The following ADARB2 variants were observed in gnomAD, a reference collection of about 807,000 sequenced individuals.
ADARB2 encodes inactive double-stranded RNA-specific editase B2.
In ADARB2, 25 loss-of-function variants were observed where a neutral mutation model predicts 62.2. The observed-to-expected ratio is 0.40, with a 90% confidence interval of 0.29 to 0.56. ADARB2 has a LOEUF of 0.56. ADARB2 is among the 20% of genes least tolerant of loss of function. ADARB2 has a pLI of 0.43. For synonymous variants in ADARB2, 572 were observed against 500.8 expected, an observed-to-expected ratio of 1.14 and a Z score of -1.90; for missense variants, 1,071 against 1,077.4, an observed-to-expected ratio of 0.99 and a Z score of 0.08.
At position 1,393,503 on chromosome 10, in the gene ADARB2, T is replaced by TGA. The variant is rs1832587303; in HGVS notation, c.101-14344_101-14343insTC. 2.0e-5 allele frequency among the ~76,000 whole-genome samples: 3 copies of TGA among 152,326 alleles called. No individual in the cohort carries two copies. The South Asian group carries it at 6.2e-4, about 32-fold the overall frequency. ...TGGGTACGCATTAGCCATCACCACC[T>TGA]TCCCCATCTCATGGTTTAATTTCTA... On this transcript the variant is annotated intron_variant, in intron 1 of 9. Transcript: ENST00000381312.
At chr10:1,643,936 G>C (rs762805637) in intron 1 of ADARB2, among the ~76,000 whole-genome samples, 1 of 152,100 alleles carries the variant, frequency 6.6e-6, no homozygotes, top group Non-Finnish European at 1.5e-5. Context: ...AAAGTAGGGC[G>C]GTGTGATCTC....
intron 1 of ADARB2, among the ~76,000 whole-genome samples, chr10:1,596,395 G>A (rs931538194): frequency 6.6e-6 from 1 of 152,212 alleles, no homozygotes; most frequent in East Asian, 1.9e-4. Flanking sequence ...CTCCCTGTAA[G>A]CATTACTGCT....
chr10:1,568,608 GAGGGAGGA>G (rs1211027449), intron 1 of ADARB2, among the ~76,000 whole-genome samples: 2 of 152,116 alleles, frequency 1.3e-5, no homozygotes, highest in Admixed American at 6.5e-5. Context: ...AGGAGGGAGG[GAGGGAGGA>G]AGGAAGGAAG....
intron 1 of ADARB2, among the ~76,000 whole-genome samples, chr10:1,446,141 A>G (rs1308914925): frequency 6.6e-6 from 1 of 152,212 alleles, no homozygotes. Flanking sequence ...GGCTGAAATA[A>G]GGTTGTGTTT....
intron 1 of ADARB2, among the ~76,000 whole-genome samples, chr10:1,650,997 C>A (rs1278835051): frequency 3.3e-5 from 5 of 152,204 alleles, no homozygotes; most frequent in Non-Finnish European, 7.3e-5. Context: ...CTGAAGGACA[C>A]CAGAGAGCTG....
intron 1 of ADARB2, among the ~76,000 whole-genome samples, chr10:1,466,489 C>T (rs953101515): frequency 6.6e-6 from 1 of 152,166 alleles, no homozygotes; most frequent in Non-Finnish European, 1.5e-5. Context: ...GCGACGGCCG[C>T]ACACATGGTG....
intron 7 of ADARB2, among the ~76,000 whole-genome samples, chr10:1,213,028 G>A (rs1308602705): frequency 2.0e-5 from 3 of 152,230 alleles, no homozygotes; most frequent in African/African-American, 7.2e-5. Flanking sequence ...TTGGGGAAGA[G>A]GGAGGGAGGC....
In ADARB2 at chr10:1,704,049, A is replaced by T. The variant is rs1181791129; in HGVS notation, c.100+33002T>A. 5.8e-4 allele frequency among the ~76,000 whole-genome samples: 88 copies of T among 152,310 alleles called. No homozygotes were observed. The highest frequency in any genetic ancestry group is 2.6e-4 in the Admixed American group (4 of 15,296). On this transcript the variant is annotated intron_variant, in intron 1 of 9. Transcript: ENST00000381312. This position sits in a 1 kb window ranked among gnomAD's most constrained non-coding sequence, Gnocchi z 5.6. Reference sequence around the variant, plus strand: ...AAGTTACCTCAAGAGTTAGTATCTTAAAAGAACAAACACTATATCTAACTT... The same window carrying T: ...AAGTTACCTCAAGAGTTAGTATCTTTAAAGAACAAACACTATATCTAACTT...
intron 1 of ADARB2, among the ~76,000 whole-genome samples, chr10:1,541,758 C>T (rs1588294443): frequency 1.9e-5 from 1 of 52,780 alleles, no homozygotes; most frequent in Non-Finnish European, 3.7e-5. Flanking sequence ...CCGTCCAGAC[C>T]CCACTCAGAC....
chr10:1,370,653 T>C (rs1832361785), intron 2 of ADARB2, among the ~76,000 whole-genome samples: 1 of 152,194 alleles, frequency 6.6e-6, no homozygotes, highest in African/African-American at 2.4e-5. Context: ...TTTCTATACA[T>C]CAATAATGTT....
chr10:1,576,965 TC>T (rs1344281182), intron 1 of ADARB2, among the ~76,000 whole-genome samples: 1 of 152,166 alleles, frequency 6.6e-6, no homozygotes, highest in African/African-American at 2.4e-5. Context: ...ACAGCGGGCC[TC>T]AGGCTCTGGG....
At chr10:1,424,230 A>G (rs1832876626) in intron 1 of ADARB2, among the ~76,000 whole-genome samples, 3 of 152,214 alleles carry the variant, frequency 2.0e-5, no homozygotes. Context: ...TTGCTGATTG[A>G]TCTGAGGAAG....
intron 1 of ADARB2, among the ~76,000 whole-genome samples, chr10:1,515,549 G>A (rs912283499): frequency 2.6e-5 from 4 of 152,214 alleles, no homozygotes; most frequent in African/African-American, 7.2e-5. Flanking sequence ...AGCTGAAGGC[G>A]TGGGAAAACC....
chr10:1,254,265 G>A (rs1831061636), intron 4 of ADARB2, among the ~76,000 whole-genome samples: 2 of 151,616 alleles, frequency 1.3e-5, no homozygotes. Context: ...TGCCTGTGAG[G>A]CAGTAGTAGT....
Position 1,565,927 on chromosome 10 carries a change from G to A in ADARB2, c.100+171124C>T, listed in dbSNP as rs148291809. Among the ~76,000 whole-genome samples the A allele has an allele frequency of 4.7e-4, 72 of 152,128 alleles. 1 individual carries two copies. In the Middle Eastern group the frequency reaches 0.034, roughly 72 times the overall value. On this transcript the variant is annotated intron_variant, in intron 1 of 9. Transcript: ENST00000381312. ...GCACCCCACCCTATCAGCCATCACC[G>A]TCTCAGCTTAACTCTGCAAGCAAAG...
intron 1 of ADARB2, among the ~76,000 whole-genome samples, chr10:1,712,896 A>G (rs1834968561): frequency 6.6e-6 from 1 of 152,104 alleles, no homozygotes; most frequent in African/African-American, 2.4e-5. Flanking sequence ...GGCGTGAGCC[A>G]CAGCACCCGG....
chr10:1,664,214 A>C (rs1344469427), intron 1 of ADARB2, among the ~76,000 whole-genome samples: 1 of 151,282 alleles, frequency 6.6e-6, no homozygotes, highest in Non-Finnish European at 1.5e-5. Flanking sequence ...CCGTGTTTCC[A>C]TGCCTGTTGG....
intron 1 of ADARB2, among the ~76,000 whole-genome samples, chr10:1,653,858 G>T (rs113797742): frequency 2.6e-5 from 4 of 152,124 alleles, no homozygotes; most frequent in Non-Finnish European, 5.9e-5. Context: ...TTATTAATGG[G>T]GTTTTCAGCA....
At chr10:1,603,200 G>A (rs1330566429) in intron 1 of ADARB2, among the ~76,000 whole-genome samples, 1 of 151,990 alleles carries the variant, frequency 6.6e-6, no homozygotes, top group African/African-American at 2.4e-5. Context: ...CACACATGTG[G>A]CCGGGGTGGA....
Sources: gnomAD v4.1 joint callset for allele counts (sites outside exome capture counted in the v4.1 genomes callset) on GRCh38, gnomAD v4.1.1 for gene constraint, Gnocchi (gnomAD v3.1) non-coding constraint, MANE v1.5 for transcripts, NCBI Gene and HGNC (gene_info 2026-07-23, HGNC 2026-07-21) for gene names.